Variants in RBFOX1 observed in about 807,000 individuals in gnomAD.
RBFOX1 encodes the protein RNA binding protein fox-1 homolog 1.
A neutral mutation model predicts 57.7 loss-of-function variants in RBFOX1; 8 were observed. That is an observed-to-expected ratio of 0.14 (90% confidence interval 0.08 to 0.25). The LOEUF (loss-of-function observed/expected upper bound fraction) is 0.25. Among genes scored for constraint, RBFOX1 ranks in the 10% least tolerant of loss-of-function variants. The pLI is 1.00. For missense variants in RBFOX1, 611 were observed against 548.5 expected, an observed-to-expected ratio of 1.11 and a Z score of -1.14; for synonymous variants, 326 against 222.4, an observed-to-expected ratio of 1.47 and a Z score of -4.15.
intron 3 of RBFOX1, among the ~76,000 whole-genome samples, chr16:5,821,176 G>A (rs2055839674): frequency 2.0e-5 from 3 of 151,820 alleles, no homozygotes; most frequent in African/African-American, 4.8e-5. Flanking sequence ...TCCTCGTCTG[G>A]CCTGGGAGAT....
intron 5 of RBFOX1, among the ~76,000 whole-genome samples, chr16:7,552,324 A>C (rs1410747241): frequency 6.6e-6 from 1 of 152,070 alleles, no homozygotes; most frequent in Non-Finnish European, 1.5e-5. Context: ...GACTCCATCA[A>C]TTTCTTTTAT....
intron 3 of RBFOX1, among the ~76,000 whole-genome samples, chr16:5,621,680 A>G (rs2048205594): frequency 6.6e-6 from 1 of 152,208 alleles, no homozygotes; most frequent in Non-Finnish European, 1.5e-5. Context: ...GAAGACGAGG[A>G]TATGGAAAAT....
At chr16:6,344,479 G>A (rs906443908) in intron 2 of RBFOX1, among the ~76,000 whole-genome samples, 1 of 135,408 alleles carries the variant, frequency 7.4e-6, no homozygotes, top group Non-Finnish European at 1.5e-5. Context: ...CGCACTGCAT[G>A]CTCTGCCTCC....
chr16:7,058,283 C>T (rs1044202774), intron 4 of RBFOX1, among the ~76,000 whole-genome samples: 1 of 152,152 alleles, frequency 6.6e-6, no homozygotes, highest in Non-Finnish European at 1.5e-5. Flanking sequence ...TCAGTTTAAA[C>T]TAAAGTATCT....
chr16:6,773,800 G>A (rs939285459), intron 3 of RBFOX1: 2 of 195,622 alleles, frequency 1.0e-5, no homozygotes, highest in Non-Finnish European at 1.8e-5. Flanking sequence ...GTGTATGTGT[G>A]GGAGTTTGGT....
At chr16:5,251,410 C>A (rs150844879) in intron 1 of RBFOX1, among the ~76,000 whole-genome samples, 5,476 of 152,256 alleles carry the variant, frequency 0.036, 293 homozygotes, top group African/African-American at 0.12. Flanking sequence ...GTTGCTGATA[C>A]GTGGTTGACT....
intron 3 of RBFOX1, among the ~76,000 whole-genome samples, chr16:7,041,082 A>ATTTTTTTTTTTTT (rs61569211): frequency 1.8e-4 from 20 of 109,312 alleles, no homozygotes; most frequent in Non-Finnish European, 2.6e-4. Flanking sequence ...CGCCCAGCTA[A>ATTTTTTTTTTTTT]TTTTTTTTTT....
intron 4 of RBFOX1, among the ~76,000 whole-genome samples, chr16:7,240,995 C>T (rs116286261): frequency 0.023 from 3,560 of 152,300 alleles, 150 homozygotes; most frequent in African/African-American, 0.081. Flanking sequence ...AAACAATTCT[C>T]TTAATATACA....
chr16:7,553,486 C>G (rs1032121597), intron 5 of RBFOX1, among the ~76,000 whole-genome samples: 1 of 152,184 alleles, frequency 6.6e-6, no homozygotes, highest in Non-Finnish European at 1.5e-5. Flanking sequence ...AGCCTAAGAT[C>G]TTCCATAACA....
At chr16:5,737,565 T>G (rs1243474978) in intron 3 of RBFOX1, among the ~76,000 whole-genome samples, 3 of 151,718 alleles carry the variant, frequency 2.0e-5, no homozygotes, top group Non-Finnish European at 4.4e-5. Flanking sequence ...ACTACAATTT[T>G]CTGCCTTATC....
chr16:6,395,026 C>T (rs1370060356), intron 2 of RBFOX1, among the ~76,000 whole-genome samples: 1 of 152,176 alleles, frequency 6.6e-6, no homozygotes, highest in Non-Finnish European at 1.5e-5. Flanking sequence ...AAATGGCTGG[C>T]CAATGGCCAT....
intron 4 of RBFOX1, among the ~76,000 whole-genome samples, chr16:5,873,477 G>T (rs574463204): frequency 1.7e-3 from 254 of 152,332 alleles, no homozygotes; most frequent in African/African-American, 5.5e-3. Flanking sequence ...AATATTTAAA[G>T]AACTCTAAAC....
At chr16:6,531,520 C>T (rs1396830969) in intron 2 of RBFOX1, among the ~76,000 whole-genome samples, 1 of 152,160 alleles carries the variant, frequency 6.6e-6, no homozygotes, top group African/African-American at 2.4e-5. Flanking sequence ...TTTTACTTTT[C>T]ATAGTTTTTA....
intron 2 of RBFOX1, among the ~76,000 whole-genome samples, chr16:6,490,367 T>C (rs1179310437): frequency 6.6e-6 from 1 of 152,146 alleles, no homozygotes; most frequent in Non-Finnish European, 1.5e-5. Flanking sequence ...GATGGAACAT[T>C]TTGTATTTTT....
At chr16:6,008,169 T>G (rs2152335348) in intron 4 of RBFOX1, among the ~76,000 whole-genome samples, 1 of 152,052 alleles carries the variant, frequency 6.6e-6, no homozygotes, top group African/African-American at 2.4e-5. Flanking sequence ...GGTGCCACTG[T>G]ACTCCAGCCT....
chr16:5,416,516 C>G (rs142936385), intron 1 of RBFOX1, among the ~76,000 whole-genome samples: 1 of 152,156 alleles, frequency 6.6e-6, no homozygotes, highest in Non-Finnish European at 1.5e-5. Flanking sequence ...CTGGAAATAC[C>G]TCCTTCATTT....
intron 4 of RBFOX1, among the ~76,000 whole-genome samples, chr16:7,273,096 TCCCTTTCC>T: frequency 9.7e-6 from 1 of 102,774 alleles, no homozygotes; most frequent in Non-Finnish European, 1.8e-5. Context: ...TCTCCCTCCC[TCCCTTTCC>T]TCCTTCCCTC....
chr16:6,680,831 T>C (rs886232890), intron 3 of RBFOX1, among the ~76,000 whole-genome samples: 1 of 152,244 alleles, frequency 6.6e-6, no homozygotes, highest in Non-Finnish European at 1.5e-5. Context: ...TAAAAGCTTC[T>C]TGGTTAAAAC....
At chr16:5,901,359 A>C (rs547292399) in intron 4 of RBFOX1, among the ~76,000 whole-genome samples, 8 of 152,264 alleles carry the variant, frequency 5.3e-5, no homozygotes, top group Non-Finnish European at 1.0e-4. Flanking sequence ...TGCACCCTGT[A>C]GCTGGCGATG....
Sources: gnomAD v4.1 joint callset for allele counts (sites outside exome capture counted in the v4.1 genomes callset) on GRCh38, gnomAD v4.1.1 for gene constraint, MANE v1.5 for transcripts, NCBI Gene and HGNC (gene_info 2026-07-23, HGNC 2026-07-21) for gene names.